TPR: variants seen among roughly 807,000 people sequenced by gnomAD.
TPR encodes translocated promoter region, nuclear basket protein, also known as nucleoprotein TPR.
A neutral mutation model predicts 316.1 loss-of-function variants in TPR; 51 were observed. That is an observed-to-expected ratio of 0.16 (90% CI 0.13 to 0.20). TPR has a LOEUF of 0.20. Ranked by LOEUF, TPR falls within the 10% of genes least tolerant of loss-of-function variation. TPR has a pLI of 1.00. For synonymous variants in TPR, 981 were observed against 914.7 expected (o/e 1.07, Z -1.31); for missense variants, 2,272 against 2,754.8 (o/e 0.82, Z 3.92).
rs576707523 is a variant in TPR at position 186,346,232 on chromosome 1, A to G, written c.2999T>C (p.Phe1000Ser). The G allele has an allele frequency of 4.3e-6, 7 of 1,613,282 alleles. No homozygotes were observed. The highest frequency in any genetic ancestry group is 5.9e-6 in the Non-Finnish European group (7 of 1,179,686). ...IEVRLKESAEFQTQLEKKLME... is the reference protein window; with the variant it reads ...IEVRLKESAESQTQLEKKLME... ...CAACTTCTTTTCCAACTGTGTCTGA[A>G]ATTCAGCTGACTCTTTTAAACGAAC... The change falls in exon 23 of 51, where the codon TTT becomes TCT. Residue 1000 changes from phenylalanine to serine, a missense_variant. Physicochemically the swap from Phe to Ser is radical, Grantham distance 155. This residue lies in a region of TPR where 757 missense variants were observed against 859.8 expected (regional missense o/e 0.88). Transcript: ENST00000367478.
At chr1:186,364,375 C>G (rs1440404305) in intron 4 of TPR, among the ~76,000 whole-genome samples, 2 of 150,886 alleles carry the variant, frequency 1.3e-5, no homozygotes, top group African/African-American at 2.4e-5. Flanking sequence ...GTATATGGAC[C>G]GTTGTTTAAA....
Position 186,362,278 on chromosome 1 carries a change from T to C in TPR, c.789+10A>G, listed in dbSNP as rs935266470. ...TTTTGTAAAAAAGACATTTTAATGG[T>C]CATATATACCTCTTTTAATTTGGTC... On this transcript the variant is annotated intron_variant, in intron 7 of 50. Coordinates refer to ENST00000367478, the MANE Select transcript of TPR (RefSeq NM_003292.3). 1.9e-6 allele frequency: 3 copies of C among 1,598,804 alleles called. No individual in the cohort carries two copies. Among genetic ancestry groups the C allele is most frequent in the South Asian group, 1.1e-5 (1 of 89,802 alleles).
intron 29 of TPR, among the ~76,000 whole-genome samples, chr1:186,340,675 C>T (rs1042284343): frequency 6.6e-5 from 10 of 152,124 alleles, no homozygotes; most frequent in African/African-American, 2.4e-4. Flanking sequence ...AAGCAATCCT[C>T]CCATCTTGGC....
In TPR at chr1:186,324,485, A is replaced by G. The variant is rs539333366; in HGVS notation, c.6113-615T>C. Among the ~76,000 whole-genome samples the G allele has an allele frequency of 2.6e-3, 392 of 152,328 alleles. 1 individual carries two copies. Among genetic ancestry groups the G allele is most frequent in the African/African-American group, 8.9e-3 (371 of 41,592 alleles). On this transcript the variant is annotated intron_variant, in intron 42 of 50. Transcript: ENST00000367478. ...CTACATACACTGTAGCAACAAAAGA[A>G]GCCATCTTCAACTATGAAAAGTTGA...
In TPR at chr1:186,334,668, A is replaced by T; in HGVS notation, c.4974-135T>A. 3.2e-6 allele frequency: 3 copies of T among 946,168 alleles called. No homozygotes were observed. In the South Asian group the frequency reaches 5.5e-5, roughly 17 times the overall value. 58.6% of individuals were successfully genotyped at this position (946,168 alleles called of 1,614,324 possible). A position where few individuals can be genotyped will look rare whatever the true frequency, so the allele number is the denominator to read the frequency against. ...GCCTTATTAAAGCTGTTTTGAATTTAAGCATTAAAAACTACACAGGGAATG... is the reference window on the plus strand; with the variant it reads ...GCCTTATTAAAGCTGTTTTGAATTTTAGCATTAAAAACTACACAGGGAATG... On this transcript the variant is annotated intron_variant, in intron 35 of 50. Transcript: ENST00000367478.
intron 13 of TPR, among the ~76,000 whole-genome samples, chr1:186,358,222 T>C (rs139824106): frequency 1.8e-3 from 278 of 152,262 alleles, no homozygotes; most frequent in African/African-American, 6.2e-3. Flanking sequence ...GTGAAAAAAA[T>C]ACACAACTGT....
Position 186,312,024 on chromosome 1 carries a change from C to G in TPR, c.*1947G>C, listed in dbSNP as rs901115195. The G allele has an allele frequency of 1.6e-6, 1 of 631,118 alleles. No individual in the cohort carries two copies. The highest frequency in any genetic ancestry group is 2.8e-5 in the East Asian group (1 of 36,040). 39.1% of individuals were successfully genotyped at this position (631,118 alleles called of 1,614,324 possible). On this transcript the variant is annotated 3_prime_UTR_variant, in exon 51 of 51. Coordinates refer to ENST00000367478, the MANE Select transcript of TPR (RefSeq NM_003292.3). The stretch of plus-strand genomic sequence containing the variant: ...CAGTTTAATAATTATTTTTATAATA[C>G]CCTTGACTAATAGCCATTATTAATA...
Position 186,322,415 on chromosome 1 carries a change from A to G in TPR, c.6367-3T>C, listed in dbSNP as rs1470475237. ...TCATCATCAAAAAAATGCTGTTGCT[A>G]AAACAAAGAAAACAGAGTTAACAAA... On this transcript the variant is annotated splice_polypyrimidine_tract_variant and splice_region_variant and intron_variant, in intron 44 of 50. Transcript: ENST00000367478. The G allele has an allele frequency of 1.2e-6, 2 of 1,612,330 alleles. No homozygotes were observed. The highest frequency in any genetic ancestry group is 2.2e-5 in the South Asian group (2 of 90,782).
rs2101996063 is a variant in TPR, at chr1:186,373,344, GA to G, written c.256+14del. ...ATACTCCGAGAATACTTACAAAGAT[GA>G]ATTAAATACTTACTGAGTTTCTCTA... On this transcript the variant is annotated intron_variant, in intron 2 of 50. Transcript: ENST00000367478. The G allele has an allele frequency of 6.3e-7, 1 of 1,585,060 alleles. No homozygotes were observed.
Position 186,363,413 on chromosome 1 carries a change from C to CT in TPR, c.459dup (p.Glu154ArgfsTer8). On this transcript the variant is annotated frameshift_variant, in exon 5 of 51. Coordinates refer to ENST00000367478, the MANE Select transcript of TPR (RefSeq NM_003292.3). LOFTEE classifies it high-confidence loss of function. Reference sequence around the variant, plus strand: ...AGTTCACCCTTTGTTGTATTGCTTTCTTTAAGTTTTTCATTCAGACGTTTA... The same window carrying CT: ...AGTTCACCCTTTGTTGTATTGCTTTCTTTTAAGTTTTTCATTCAGACGTTTA... The CT allele has an allele frequency of 6.2e-7, 1 of 1,612,406 alleles. No homozygotes were observed. The highest frequency in any genetic ancestry group is 8.5e-7 in the Non-Finnish European group (1 of 1,178,950).
intron 20 of TPR, among the ~76,000 whole-genome samples, chr1:186,350,708 A>C (rs1305933960): frequency 6.6e-6 from 1 of 152,176 alleles, no homozygotes; most frequent in Non-Finnish European, 1.5e-5. Context: ...GTCCAGGGAG[A>C]CCAAAGTAGC....
intron 12 of TPR, 121 bp from the exon 13 acceptor site, chr1:186,358,771 A>G (rs1269020770): frequency 2.7e-6 from 2 of 742,236 alleles, no homozygotes; most frequent in Non-Finnish European, 4.3e-6. Context: ...AAAATCCTAC[A>G]TAATATTGTA....
At chr1:186,333,419 T>TATAA in intron 36 of TPR, 25 bp from the exon 37 acceptor site, 3 of 1,606,582 alleles carry the variant, frequency 1.9e-6, no homozygotes, top group Non-Finnish European at 2.6e-6. Flanking sequence ...TAATGCTGAA[T>TATAA]ATAAGCCTTC....
chr1:186,350,850 C>A (rs904419756), intron 20 of TPR, among the ~76,000 whole-genome samples: 1 of 152,110 alleles, frequency 6.6e-6, no homozygotes, highest in Non-Finnish European at 1.5e-5. Context: ...TTACCCCAGA[C>A]AGGGGAAGAA....
intron 20 of TPR, 103 bp downstream of exon 20, chr1:186,351,227 T>G: frequency 7.4e-7 from 1 of 1,352,898 alleles, no homozygotes; most frequent in Non-Finnish European, 9.7e-7. Flanking sequence ...AGTAACAAAG[T>G]TTTTCAAAAT....
In TPR at chr1:186,315,225, C is replaced by A. The variant is rs931819814; in HGVS notation, c.6941-501G>T. ...CTGTCTCAAAAAAAAAACAAACAAA[C>A]AAACAAAAAAAAAACACCAAAAAAA... On this transcript the variant is annotated intron_variant, in intron 49 of 50. Coordinates refer to ENST00000367478, the MANE Select transcript of TPR (RefSeq NM_003292.3). 4.5e-3 allele frequency among the ~76,000 whole-genome samples: 589 copies of A among 131,490 alleles called. 10 individuals carry two copies. Among genetic ancestry groups the A allele is most frequent in the African/African-American group, 0.019 (528 of 28,212 alleles). 86.3% of individuals were successfully genotyped at this position (131,490 alleles called of 152,430 possible).
chr1:186,322,239 A>G, intron 45 of TPR, 79 bp downstream of exon 45: 2 of 1,365,302 alleles, frequency 1.5e-6, no homozygotes, highest in Non-Finnish European at 2.0e-6. Context: ...CAATGAGTTA[A>G]CCAAATGATA....
rs1372310731 is a variant in TPR at position 186,323,859 on chromosome 1, T to C, written c.6124A>G (p.Thr2042Ala). 1 of 1,543,100 alleles carries C rather than the reference T, an allele frequency of 6.5e-7. No individual in the cohort carries two copies. Among genetic ancestry groups the C allele is most frequent in the Non-Finnish European group, 8.7e-7 (1 of 1,155,354 alleles). The change falls in exon 43 of 51, where the codon ACA becomes GCA. Residue 2042 changes from threonine to alanine, a missense_variant. Physicochemically the swap from Thr to Ala is moderately conservative, Grantham distance 58. Coordinates refer to ENST00000367478, the MANE Select transcript of TPR (RefSeq NM_003292.3). The part of the protein sequence containing the change: ...ADSQNSGEGN[T>A]GAAESSFSQE... ...GAAAAAGAAGATTCTGCAGCACCTGTATTTCCTTCACCTGTAGGAAAAGAG... is the reference window on the plus strand; with the variant it reads ...GAAAAAGAAGATTCTGCAGCACCTGCATTTCCTTCACCTGTAGGAAAAGAG...
chr1:186,323,932 T>C, intron 42 of TPR, 62 bp from the exon 43 acceptor site: 1 of 1,441,022 alleles, frequency 6.9e-7, no homozygotes, highest in African/African-American at 1.5e-5. Flanking sequence ...ACTTGGACAA[T>C]CCCTAGAAGT....
Sources: gnomAD v4.1 joint callset for allele counts (sites outside exome capture counted in the v4.1 genomes callset) on GRCh38, gnomAD v4.1.1 for gene constraint, gnomAD v4.1.1 regional missense constraint, MANE v1.5 for transcripts, NCBI Gene and HGNC (gene_info 2026-07-23, HGNC 2026-07-21) for gene names.